The following EMCN variants were observed in gnomAD, a reference collection of about 807,000 sequenced individuals.
EMCN encodes the protein MUC-14.
A neutral mutation model predicts 38.4 loss-of-function variants in EMCN; 37 were observed. The observed-to-expected ratio is 0.96, with a 90% confidence interval of 0.74 to 1.27. The LOEUF is 1.27. EMCN is among the 50% of genes most tolerant of loss of function. EMCN has a pLI of 0.00. For synonymous variants in EMCN, 95 were observed against 100.8 expected (o/e 0.94, Z 0.35); for missense variants, 318 against 302.8 (o/e 1.05, Z -0.37).
intron 2 of EMCN, among the ~76,000 whole-genome samples, chr4:100,475,907 C>A (rs1458384275): frequency 1.3e-5 from 2 of 151,938 alleles, no homozygotes; most frequent in Admixed American, 1.3e-4. Context: ...TGGTCTCGAT[C>A]TCATGATCCT....
chr4:100,446,504 C>T (rs569704756), intron 5 of EMCN, among the ~76,000 whole-genome samples: 9 of 152,176 alleles, frequency 5.9e-5, no homozygotes, highest in African/African-American at 2.2e-4. Context: ...TTTAGTGTCA[C>T]TCATAATTTT....
intron 1 of EMCN, among the ~76,000 whole-genome samples, chr4:100,512,948 C>G (rs1729666555): frequency 6.6e-6 from 1 of 152,014 alleles, no homozygotes; most frequent in Admixed American, 6.6e-5. Flanking sequence ...GATAATTATT[C>G]ACAAGTTAAA....
intron 1 of EMCN, among the ~76,000 whole-genome samples, chr4:100,501,823 A>G (rs1395509191): frequency 2.0e-5 from 3 of 150,954 alleles, no homozygotes; most frequent in Non-Finnish European, 4.4e-5. Context: ...CTTTATATAC[A>G]GAGACCCTGA....
At chr4:100,451,272 G>T (rs1216058865) in intron 4 of EMCN, among the ~76,000 whole-genome samples, 1 of 151,788 alleles carries the variant, frequency 6.6e-6, no homozygotes, top group Non-Finnish European at 1.5e-5. Flanking sequence ...TAATAGCACA[G>T]ATGATATACA....
chr4:100,486,951 G>T (rs1041389606), intron 1 of EMCN: 4 of 985,070 alleles, frequency 4.1e-6, no homozygotes, highest in Non-Finnish European at 4.8e-6. Context: ...ATAGTAATGA[G>T]ATATTTTTAG....
intron 1 of EMCN, among the ~76,000 whole-genome samples, chr4:100,490,444 TA>T (rs1222593543): frequency 6.6e-6 from 1 of 152,124 alleles, no homozygotes; most frequent in Non-Finnish European, 1.5e-5. Context: ...CATTGTGCAG[TA>T]AATTCCTAGA....
chr4:100,475,982 C>T (rs562732348), intron 2 of EMCN, among the ~76,000 whole-genome samples: 4 of 151,956 alleles, frequency 2.6e-5, no homozygotes, highest in Admixed American at 1.3e-4. Context: ...CCTCTAGTCA[C>T]ATTTTTAATC....
intron 11 of EMCN, among the ~76,000 whole-genome samples, chr4:100,409,416 A>C (rs1421653871): frequency 1.3e-5 from 2 of 152,184 alleles, no homozygotes; most frequent in African/African-American, 2.4e-5. Flanking sequence ...ACTTAATTCC[A>C]AAGCAGGTTT....
intron 3 of EMCN, among the ~76,000 whole-genome samples, chr4:100,465,976 G>T (rs73833343): frequency 6.6e-6 from 1 of 152,106 alleles, no homozygotes; most frequent in Non-Finnish European, 1.5e-5. Context: ...ATTAAGTATG[G>T]CACTATTGTT....
intron 8 of EMCN, among the ~76,000 whole-genome samples, chr4:100,419,834 T>C (rs1388401641): frequency 6.6e-6 from 1 of 152,066 alleles, no homozygotes; most frequent in Admixed American, 6.6e-5. Flanking sequence ...AGAGCTAAAA[T>C]GAACTCTGCT....
At chr4:100,456,383 AT>A (rs1288164798) in intron 4 of EMCN, among the ~76,000 whole-genome samples, 5 of 151,126 alleles carry the variant, frequency 3.3e-5, no homozygotes, top group African/African-American at 2.4e-5. Context: ...TTTATTATTT[AT>A]TTTTTCTGCC....
At chr4:100,497,370 AGTTT>A (rs1040752693) in intron 1 of EMCN, among the ~76,000 whole-genome samples, 1 of 151,616 alleles carries the variant, frequency 6.6e-6, no homozygotes, top group African/African-American at 2.4e-5. Context: ...ATGCAAATCA[AGTTT>A]GTTTGTTTGT....
chr4:100,487,034 G>A (rs1163589016), intron 1 of EMCN: 7 of 984,652 alleles, frequency 7.1e-6, no homozygotes, highest in Non-Finnish European at 8.4e-6. Flanking sequence ...AAATCCTGAG[G>A]TAAAAAAGGC....
At chr4:100,485,944 A>T (rs748701082) in intron 1 of EMCN, among the ~76,000 whole-genome samples, 9 of 152,188 alleles carry the variant, frequency 5.9e-5, no homozygotes, top group Non-Finnish European at 8.8e-5. Flanking sequence ...GCCAAGAGTC[A>T]TTTGCCTCAA....
At chr4:100,419,852 T>C (rs1726839377) in intron 8 of EMCN, among the ~76,000 whole-genome samples, 1 of 152,054 alleles carries the variant, frequency 6.6e-6, no homozygotes. Flanking sequence ...GCTGTTTTGG[T>C]CTCCTAGCTT....
rs1309250481 is a variant in EMCN, at chr4:100,398,296, G to A, written c.*117C>T. 2 of 152,174 alleles carry A rather than the reference G, an allele frequency of 1.3e-5. No homozygotes were observed. Among genetic ancestry groups the A allele is most frequent in the Non-Finnish European group, 2.9e-5 (2 of 68,052 alleles). 9.4% of individuals were successfully genotyped at this position (152,174 alleles called of 1,614,324 possible). On this transcript the variant is annotated 3_prime_UTR_variant, in exon 12 of 12. Transcript: ENST00000296420. The stretch of plus-strand genomic sequence containing the variant: ...GACAGACGTCTGGTACAGTCCAGCA[G>A]CAGGTATGGAAGTCGGGATTGATTC...
At chr4:100,447,226 T>A (rs1251232702) in intron 5 of EMCN, among the ~76,000 whole-genome samples, 1 of 152,166 alleles carries the variant, frequency 6.6e-6, no homozygotes, top group Non-Finnish European at 1.5e-5. Context: ...GAGGTCACAC[T>A]GACAACAGAA....
Position 100,423,614 on chromosome 4 carries a change from T to C in EMCN, c.416-210A>G, listed in dbSNP as rs181528366. 8.5e-5 allele frequency among the ~76,000 whole-genome samples: 13 copies of C among 152,258 alleles called. No homozygotes were observed. The East Asian group carries it at 2.3e-3, about 27-fold the overall frequency. On this transcript the variant is annotated intron_variant, in intron 5 of 11. Coordinates refer to ENST00000296420, the MANE Select transcript of EMCN (RefSeq NM_016242.4). ...AATTTAGAATCACAAAGCCTGAGTA[T>C]CAGTTTTACATCTTCAGGAACTCGC...
rs113830072 is a variant in EMCN at position 100,432,383 on chromosome 4, T to C, written c.416-8979A>G. ...TTATCTGAAGTTCACCCATGACATATTACTTTATACCTACATGACTACTAG... is the reference window on the plus strand; with the variant it reads ...TTATCTGAAGTTCACCCATGACATACTACTTTATACCTACATGACTACTAG... On this transcript the variant is annotated intron_variant, in intron 5 of 11. Coordinates refer to ENST00000296420, the MANE Select transcript of EMCN (RefSeq NM_016242.4). Among the ~76,000 whole-genome samples the C allele has an allele frequency of 4.7e-3, 721 of 152,280 alleles. 11 individuals are homozygous for C. The highest frequency in any genetic ancestry group is 0.017 in the African/African-American group (688 of 41,556).
Sources: allele counts gnomAD v4.1 joint callset (sites outside exome capture counted in the v4.1 genomes callset), GRCh38; gene constraint gnomAD v4.1.1; transcripts MANE v1.5; gene names NCBI Gene and HGNC (gene_info 2026-07-23, HGNC 2026-07-21).